Variants in NDUFAF7 observed in about 807,000 individuals in gnomAD.
NDUFAF7 encodes the protein protein arginine methyltransferase NDUFAF7, mitochondrial.
Under a neutral mutation model 47.2 loss-of-function variants are expected in NDUFAF7, and 48 were observed. That is an observed-to-expected ratio of 1.02 (90% CI 0.81 to 1.29). The LOEUF (loss-of-function observed/expected upper bound fraction) is 1.29. NDUFAF7 is among the 50% of genes most tolerant of loss of function. The pLI, the probability that NDUFAF7 is intolerant of heterozygous loss-of-function variation, is 0.00. For synonymous variants in NDUFAF7, 217 were observed against 190.0 expected (o/e 1.14, Z -1.17); for missense variants, 635 against 537.6 (o/e 1.18, Z -1.79).
Position 37,231,886 on chromosome 2 carries a change from T to A in NDUFAF7, c.55+126T>A, listed in dbSNP as rs1665173721. The stretch of plus-strand genomic sequence containing the variant: ...GCTCACTTCCACCTTGAAGGTACCC[T>A]GGGCTGGAAACGGGTCCGGTACAAA... On this transcript the variant is annotated intron_variant, in intron 1 of 9. Coordinates refer to ENST00000002125, the MANE Select transcript of NDUFAF7 (RefSeq NM_144736.5). 6 of 1,581,348 alleles carry A rather than the reference T, an allele frequency of 3.8e-6. No homozygotes were observed. The East Asian group carries it at 1.4e-4, about 36-fold the overall frequency.
At chr2:37,239,128 T>G (rs1418560778) in intron 4 of NDUFAF7, among the ~76,000 whole-genome samples, 1 of 150,050 alleles carries the variant, frequency 6.7e-6, no homozygotes, top group Non-Finnish European at 1.5e-5. Flanking sequence ...CTTTTTTTTT[T>G]TTTTTTTTGA....
downstream of NDUFAF7, chr2:37,253,404 C>A: frequency 2.0e-6 from 3 of 1,485,644 alleles, no homozygotes; most frequent in Non-Finnish European, 2.7e-6. Context: ...ATACTGTCAA[C>A]CTGGTTTTTG....
At chr2:37,262,902 C>CG in the NDUFAF7 span, among the ~76,000 whole-genome samples, 15 of 151,578 alleles carry the variant, frequency 9.9e-5, no homozygotes, top group East Asian at 5.9e-4. Context: ...CCTTCCCCCC[C>CG]CCGTATTTGT....
Position 37,237,994 on chromosome 2 carries a change from T to C in NDUFAF7, c.408+127T>C, listed in dbSNP as rs75490807. The C allele has an allele frequency of 0.039, 28,997 of 748,004 alleles. 683 individuals are homozygous for C. The highest frequency in any genetic ancestry group is 0.048 in the Non-Finnish European group (20,385 of 426,284). 46.3% of individuals were successfully genotyped at this position (748,004 alleles called of 1,614,324 possible). A position where few individuals can be genotyped will look rare whatever the true frequency, so the allele number is the denominator to read the frequency against. The stretch of plus-strand genomic sequence containing the variant: ...CATATTTCTCAGCTAAAATATAATG[T>C]CAGAATAATGTAATCAGTCATTACT... On this transcript the variant is annotated intron_variant, in intron 4 of 9. Transcript: ENST00000002125.
chr2:37,249,402 C>T (rs933164773), downstream of NDUFAF7, among the ~76,000 whole-genome samples: 2 of 152,010 alleles, frequency 1.3e-5, no homozygotes, highest in Non-Finnish European at 2.9e-5. Flanking sequence ...CATGGTGAAA[C>T]CCCATTTCTA....
chr2:37,256,154 AG>A (rs2148479419), downstream of NDUFAF7, among the ~76,000 whole-genome samples: 1 of 152,360 alleles, frequency 6.6e-6, no homozygotes, highest in African/African-American at 2.4e-5. Context: ...ATTGTAGACA[AG>A]GGAAAAACAG....
At chr2:37,245,099 GGTTA>G (rs1425360566) in intron 7 of NDUFAF7, among the ~76,000 whole-genome samples, 7 of 152,132 alleles carry the variant, frequency 4.6e-5, no homozygotes, top group African/African-American at 9.7e-5. Context: ...TTAGCTAAAT[GGTTA>G]GTTATATTTA....
At chr2:37,262,041 G>T in the NDUFAF7 span, among the ~76,000 whole-genome samples, 1 of 152,288 alleles carries the variant, frequency 6.6e-6, no homozygotes, top group South Asian at 2.1e-4. Flanking sequence ...GCTACACGGG[G>T]CTAAGTTGTG....
At position 37,241,621 on chromosome 2, in the gene NDUFAF7, CAGTACATCTGGT is replaced by C; in HGVS notation, c.455_466del (p.Val152_Val155del). On this transcript the variant is annotated inframe_deletion, in exon 5 of 10. Coordinates refer to ENST00000002125, the MANE Select transcript of NDUFAF7 (RefSeq NM_144736.5). Reference sequence around the variant, plus strand: ...TCTGTGCTGAAAAATTGTGACATTTCAGTACATCTGGTAGAGGTAAGCCAAAAATTAAGTGAG... The same window carrying C: ...TCTGTGCTGAAAAATTGTGACATTTCAGAGGTAAGCCAAAAATTAAGTGAG... 6.2e-7 allele frequency: 1 copy of C among 1,613,674 alleles called. No homozygotes were observed. The highest frequency in any genetic ancestry group is 8.5e-7 in the Non-Finnish European group (1 of 1,179,908).
At chr2:37,269,773 A>G in the NDUFAF7 span, 5 of 906,886 alleles carry the variant, frequency 5.5e-6, no homozygotes, top group Middle Eastern at 7.0e-4. Flanking sequence ...AAATACTTCA[A>G]TACATTTTTA....
In NDUFAF7 at chr2:37,247,076, T is replaced by C. The variant is rs139092094; in HGVS notation, c.937-380T>C. ...CTGTCTCCCCTCTAGTAGTCACCAG[T>C]GTTTGTTCCCATAAGTATGTTCACG... On this transcript the variant is annotated intron_variant, in intron 8 of 9. Transcript: ENST00000002125. Among the ~76,000 whole-genome samples, 68 of 152,224 alleles carry C rather than the reference T, an allele frequency of 4.5e-4. No homozygotes were observed. The East Asian group carries it at 0.011, about 25-fold the overall frequency.
chr2:37,234,093 G>A (rs1665492261), intron 2 of NDUFAF7, among the ~76,000 whole-genome samples: 1 of 151,986 alleles, frequency 6.6e-6, no homozygotes, highest in African/African-American at 2.4e-5. Context: ...GGGCTTTTTT[G>A]TTTGTTGGCT....
chr2:37,253,335 G>A, downstream of NDUFAF7: 1 of 1,611,648 alleles, frequency 6.2e-7, no homozygotes, highest in Non-Finnish European at 8.5e-7. Context: ...CTAAGGTCAA[G>A]CCAAGTCTGA....
At chr2:37,249,641 G>GACACACACACACAC (rs1452256080), downstream of NDUFAF7, among the ~76,000 whole-genome samples, 1 of 59,558 alleles carries the variant, frequency 1.7e-5, no homozygotes, top group African/African-American at 1.0e-4. Flanking sequence ...GCCTGTGATA[G>GACACACACACACAC]AGACACACAC....
At chr2:37,253,173 G>GT (rs1667649177), downstream of NDUFAF7, 4 of 1,594,250 alleles carry the variant, frequency 2.5e-6, no homozygotes, top group African/African-American at 5.4e-5. Flanking sequence ...GGTTAGCTCA[G>GT]TGATTAAGGA....
At chr2:37,249,663 C>CACACACACAT (rs1558511014), downstream of NDUFAF7, among the ~76,000 whole-genome samples, 2 of 151,060 alleles carry the variant, frequency 1.3e-5, no homozygotes, top group African/African-American at 4.9e-5. Flanking sequence ...CACACACACA[C>CACACACACAT]ACACACACAC....
intron 2 of NDUFAF7, among the ~76,000 whole-genome samples, chr2:37,235,793 T>A (rs1173347903): frequency 3.3e-5 from 5 of 152,222 alleles, no homozygotes; most frequent in African/African-American, 1.2e-4. Context: ...TAGCTGGGAC[T>A]ACGGGCACCC....
At chr2:37,235,639 CTTATTTAT>C (rs57466107) in intron 2 of NDUFAF7, among the ~76,000 whole-genome samples, 55,362 of 149,732 alleles carry the variant, frequency 0.37, 10,445 homozygotes, top group East Asian at 0.44. Flanking sequence ...ATTTCCCTTG[CTTATTTAT>C]TTATTTATTT....
chr2:37,261,611 T>C, the NDUFAF7 span, among the ~76,000 whole-genome samples: 1 of 149,376 alleles, frequency 6.7e-6, no homozygotes, highest in African/African-American at 2.5e-5. Context: ...AGAAACCTAG[T>C]CTCTACTAAA....
Sources: gnomAD v4.1 joint callset for allele counts (sites outside exome capture counted in the v4.1 genomes callset) on GRCh38, gnomAD v4.1.1 for gene constraint, MANE v1.5 for transcripts, NCBI Gene and HGNC (gene_info 2026-07-23, HGNC 2026-07-21) for gene names.